The following WDR70 variants were observed in gnomAD, a reference collection of about 807,000 sequenced individuals.
WDR70 encodes the protein WD repeat domain 70.
Under a neutral mutation model 88.6 loss-of-function variants are expected in WDR70, and 53 were observed. That is an observed-to-expected ratio of 0.60 (90% CI 0.48 to 0.75). WDR70 has a LOEUF of 0.75. WDR70 is among the 30% of genes least tolerant of loss of function. The probability of loss-of-function intolerance (pLI) is 0.00; values close to 1 mark genes in which losing one functional copy is unlikely to be tolerated. For missense variants in WDR70, 610 were observed against 823.2 expected (o/e 0.74, Z 3.17); for synonymous variants, 280 against 270.0 (o/e 1.04, Z -0.36).
intron 5 of WDR70, among the ~76,000 whole-genome samples, chr5:37,423,369 A>T (rs1750007960): frequency 6.6e-6 from 1 of 151,392 alleles, no homozygotes; most frequent in Admixed American, 6.6e-5. Flanking sequence ...CATTAAAAAA[A>T]AAAAAGAAGA....
chr5:37,696,405 AT>A (rs1746983500), intron 10 of WDR70, among the ~76,000 whole-genome samples: 1 of 151,934 alleles, frequency 6.6e-6, no homozygotes, highest in Non-Finnish European at 1.5e-5. Context: ...AAGCCCAGGG[AT>A]TGGGTGTCAG....
At chr5:37,432,139 C>A (rs185160900) in intron 5 of WDR70, among the ~76,000 whole-genome samples, 1 of 151,876 alleles carries the variant, frequency 6.6e-6, no homozygotes, top group African/African-American at 2.4e-5. Flanking sequence ...AGCTGTTTTC[C>A]GTAGTAGCTA....
chr5:37,450,551 G>A (rs1409507157), intron 7 of WDR70, among the ~76,000 whole-genome samples: 5 of 152,068 alleles, frequency 3.3e-5, no homozygotes, highest in Non-Finnish European at 7.4e-5. Context: ...CTTTCCAATG[G>A]TGAGAAACCT....
chr5:37,472,370 G>T (rs1405283748), intron 7 of WDR70, among the ~76,000 whole-genome samples: 3 of 151,576 alleles, frequency 2.0e-5, no homozygotes, highest in Non-Finnish European at 4.4e-5. Flanking sequence ...ATGTAATTGG[G>T]ATTATATAAT....
intron 5 of WDR70, among the ~76,000 whole-genome samples, chr5:37,410,480 C>G (rs1749492326): frequency 6.6e-6 from 1 of 152,054 alleles, no homozygotes. Flanking sequence ...TCTCCAGATG[C>G]TAGCTGCATT....
intron 5 of WDR70, among the ~76,000 whole-genome samples, chr5:37,426,816 G>C (rs1750139416): frequency 6.8e-6 from 1 of 147,652 alleles, no homozygotes; most frequent in Admixed American, 6.8e-5. Context: ...TTTTGAGATG[G>C]GGTCTCTCTT....
intron 5 of WDR70, among the ~76,000 whole-genome samples, chr5:37,430,070 T>A (rs1361407244): frequency 6.6e-6 from 1 of 152,224 alleles, no homozygotes; most frequent in East Asian, 1.9e-4. Context: ...TTTTAAAAAA[T>A]TATTTCTAAG....
chr5:37,618,382 G>A (rs1447942113), intron 10 of WDR70, among the ~76,000 whole-genome samples: 2 of 152,058 alleles, frequency 1.3e-5, no homozygotes, highest in African/African-American at 2.4e-5. Flanking sequence ...TTGTTTGTTT[G>A]TTTTGAGACA....
intron 13 of WDR70, among the ~76,000 whole-genome samples, chr5:37,713,088 T>C (rs1479805588): frequency 6.6e-6 from 1 of 152,226 alleles, no homozygotes; most frequent in East Asian, 1.9e-4. Flanking sequence ...TATGTTCTCT[T>C]CTTTGAAATA....
chr5:37,561,349 T>C (rs970846701), intron 9 of WDR70, among the ~76,000 whole-genome samples: 2 of 152,236 alleles, frequency 1.3e-5, no homozygotes, highest in African/African-American at 4.8e-5. Flanking sequence ...ATTATTTTGG[T>C]CAGTCTATAA....
rs528637601 is a variant in WDR70, at chr5:37,451,951, G to A, written c.686+8579G>A. On this transcript the variant is annotated intron_variant, in intron 7 of 17. Coordinates refer to ENST00000265107, the MANE Select transcript of WDR70 (RefSeq NM_018034.4). ...AGAGGTTGCAGTGAGCTCAGATGGC[G>A]CCACTACACTCCAGCCTGGCAACAG... Among the ~76,000 whole-genome samples, 51 of 152,124 alleles carry A rather than the reference G, an allele frequency of 3.4e-4. No individual in the cohort carries two copies. In the East Asian group the frequency reaches 7.2e-3, roughly 21 times the overall value.
Position 37,750,503 on chromosome 5 carries a change from T to A in WDR70, c.1878-1983T>A, listed in dbSNP as rs10079809. 7.6e-3 allele frequency among the ~76,000 whole-genome samples: 1,153 copies of A among 152,316 alleles called. 15 individuals are homozygous for A. Among genetic ancestry groups the A allele is most frequent in the African/African-American group, 0.026 (1,084 of 41,578 alleles). Reference sequence around the variant, plus strand: ...GAGCTATGATTGTGCCACTGCACTCTAGCCTAGGTGACAGAGAAAGACCCT... The same window carrying A: ...GAGCTATGATTGTGCCACTGCACTCAAGCCTAGGTGACAGAGAAAGACCCT... On this transcript the variant is annotated intron_variant, in intron 17 of 17. Transcript: ENST00000265107.
intron 9 of WDR70, among the ~76,000 whole-genome samples, chr5:37,585,329 T>C (rs1463799778): frequency 6.6e-6 from 1 of 152,164 alleles, no homozygotes; most frequent in East Asian, 1.9e-4. Flanking sequence ...CATACAATTT[T>C]TTATCTTGAT....
intron 11 of WDR70, among the ~76,000 whole-genome samples, chr5:37,698,502 C>T (rs1747049589): frequency 6.6e-6 from 1 of 152,132 alleles, no homozygotes; most frequent in Non-Finnish European, 1.5e-5. Context: ...ATACTAATAG[C>T]ATGGTTAAGT....
intron 10 of WDR70, among the ~76,000 whole-genome samples, chr5:37,632,918 G>A (rs188618951): frequency 1.3e-5 from 2 of 152,262 alleles, no homozygotes; most frequent in East Asian, 3.9e-4. Flanking sequence ...GCCCTATACA[G>A]GGATACCATT....
At chr5:37,650,225 G>A (rs1276761256) in intron 10 of WDR70, among the ~76,000 whole-genome samples, 5 of 150,730 alleles carry the variant, frequency 3.3e-5, no homozygotes, top group South Asian at 4.2e-4. Context: ...GTGAAACCCC[G>A]TCTCTACTAA....
chr5:37,670,665 G>T (rs1243353027), intron 10 of WDR70, among the ~76,000 whole-genome samples: 1 of 152,158 alleles, frequency 6.6e-6, no homozygotes, highest in Non-Finnish European at 1.5e-5. Context: ...GTGACTACTT[G>T]TAAGTGGAAG....
In WDR70 at chr5:37,726,819, A is replaced by G. The variant is rs1747983045; in HGVS notation, c.1715-64A>G. 1.7e-5 allele frequency: 26 copies of G among 1,494,904 alleles called. No homozygotes were observed. In the South Asian group the frequency reaches 3.5e-4, roughly 20 times the overall value. 92.6% of individuals were successfully genotyped at this position (1,494,904 alleles called of 1,614,324 possible). ...GTGCTCAGATAAGTACAGTGTACAC[A>G]GATATACCTATGTATCCTCATGCTC... On this transcript the variant is annotated intron_variant, in intron 16 of 17. Coordinates refer to ENST00000265107, the MANE Select transcript of WDR70 (RefSeq NM_018034.4).
chr5:37,667,510 A>G (rs1745890015), intron 10 of WDR70, among the ~76,000 whole-genome samples: 1 of 152,210 alleles, frequency 6.6e-6, no homozygotes, highest in Admixed American at 6.5e-5. Flanking sequence ...GCTAACAGTG[A>G]TTTGACAAAT....
Sources: allele counts gnomAD v4.1 joint callset (sites outside exome capture counted in the v4.1 genomes callset), GRCh38; gene constraint gnomAD v4.1.1; transcripts MANE v1.5; gene names NCBI Gene and HGNC (gene_info 2026-07-23, HGNC 2026-07-21).